Variants in PCNX1 observed in about 807,000 individuals in gnomAD.
PCNX1 encodes pecanex-like protein 1.
In PCNX1, 78 loss-of-function variants were observed where a neutral mutation model predicts 242.2. The observed-to-expected ratio is 0.32, with a 90% CI of 0.27 to 0.39. The LOEUF is 0.39. PCNX1 is among the 10% of genes least tolerant of loss of function. PCNX1 has a pLI of 1.00. For missense variants in PCNX1, 2,581 were observed against 2,856.5 expected, an observed-to-expected ratio of 0.90 and a Z score of 2.20; for synonymous variants, 1,024 against 1,032.9, an observed-to-expected ratio of 0.99 and a Z score of 0.17.
rs537140685 is a variant in PCNX1, at chr14:71,087,158, A to G, written c.5338-1172A>G. Among the ~76,000 whole-genome samples, 25 of 151,824 alleles carry G rather than the reference A, an allele frequency of 1.6e-4. 1 individual carries two copies. In the Middle Eastern group the frequency reaches 0.01, roughly 62 times the overall value. ...TTTATACAACTTCAAGTCTACACCC[A>G]CTCTCTTTTATTTTTCTTTTGTATT... is the stretch of plus-strand genomic sequence containing the variant. On this transcript the variant is annotated intron_variant, in intron 28 of 35. Transcript: ENST00000304743.
intron 2 of PCNX1, among the ~76,000 whole-genome samples, chr14:70,949,282 T>TAC (rs139022717): frequency 0.011 from 544 of 48,194 alleles, 2 homozygotes; most frequent in African/African-American, 0.018. Flanking sequence ...CACACGTGTA[T>TAC]ACACACACGT....
intron 16 of PCNX1, chr14:71,031,920 G>C (rs2140929639): frequency 7.0e-7 from 1 of 1,435,768 alleles, no homozygotes; most frequent in Non-Finnish European, 9.8e-7. Context: ...GAGCAAACTG[G>C]TACCACAGGC....
intron 2 of PCNX1, among the ~76,000 whole-genome samples, chr14:70,958,797 G>C (rs911008370): frequency 4.6e-5 from 7 of 151,216 alleles, no homozygotes; most frequent in African/African-American, 1.7e-4. Flanking sequence ...GCTGATGACT[G>C]GACAGTAGAG....
At chr14:71,014,891 A>G (rs943491164) in intron 11 of PCNX1, among the ~76,000 whole-genome samples, 1 of 152,208 alleles carries the variant, frequency 6.6e-6, no homozygotes, top group Non-Finnish European at 1.5e-5. Flanking sequence ...CCTCAAGCAT[A>G]AAATGCTTGA....
intron 1 of PCNX1, among the ~76,000 whole-genome samples, chr14:70,918,764 C>A (rs150381145): frequency 5.9e-5 from 9 of 152,290 alleles, no homozygotes; most frequent in Middle Eastern, 3.4e-3. Context: ...TAATTTAAAT[C>A]TCTGTCAACA....
chr14:70,927,621 ACT>A (rs2042364944), intron 1 of PCNX1, among the ~76,000 whole-genome samples: 1 of 150,726 alleles, frequency 6.6e-6, no homozygotes, highest in African/African-American at 2.4e-5. Flanking sequence ...GCAGTGTCTC[ACT>A]CTCTTGCCCA....
chr14:71,016,964 GGCTA>G (rs2059976226), intron 11 of PCNX1, among the ~76,000 whole-genome samples: 1 of 151,984 alleles, frequency 6.6e-6, no homozygotes, highest in Non-Finnish European at 1.5e-5. Context: ...AATAGCTAAA[GGCTA>G]AACCTTTAGC....
chr14:71,002,174 T>G (rs975781819), intron 8 of PCNX1, among the ~76,000 whole-genome samples: 1 of 152,184 alleles, frequency 6.6e-6, no homozygotes, highest in Admixed American at 6.5e-5. Context: ...TAATGAACTT[T>G]CTTCTTATAT....
chr14:71,100,654 A>G (rs553649661), intron 30 of PCNX1, among the ~76,000 whole-genome samples: 42 of 152,272 alleles, frequency 2.8e-4, no homozygotes, highest in Admixed American at 5.9e-4. Flanking sequence ...GATTAGGGAA[A>G]TGCTCTTGAG....
At chr14:71,046,124 C>T (rs971041659) in intron 20 of PCNX1, among the ~76,000 whole-genome samples, 1 of 151,900 alleles carries the variant, frequency 6.6e-6, no homozygotes, top group African/African-American at 2.4e-5. Flanking sequence ...ACTCTGAAGC[C>T]TTTGAAAGCT....
chr14:70,953,652 GT>G (rs1398445093), intron 2 of PCNX1, among the ~76,000 whole-genome samples: 205 of 112,584 alleles, frequency 1.8e-3, no homozygotes, highest in Non-Finnish European at 3.1e-3. Context: ...TGTTTTTTGT[GT>G]TTTTTTCTTT....
At chr14:71,099,250 C>T (rs1280913594) in intron 30 of PCNX1, among the ~76,000 whole-genome samples, 1 of 151,650 alleles carries the variant, frequency 6.6e-6, no homozygotes, top group Middle Eastern at 3.2e-3. Flanking sequence ...GCTTGGCCTC[C>T]TGGTTTCCTG....
At chr14:71,064,793 G>A (rs943942736) in intron 26 of PCNX1, among the ~76,000 whole-genome samples, 1 of 152,100 alleles carries the variant, frequency 6.6e-6, no homozygotes, top group Non-Finnish European at 1.5e-5. Context: ...ACAGGCCTGG[G>A]TATGTGATGT....
chr14:71,048,469 G>C (rs1288900330), intron 22 of PCNX1, among the ~76,000 whole-genome samples: 1 of 152,096 alleles, frequency 6.6e-6, no homozygotes, highest in Non-Finnish European at 1.5e-5. Context: ...AGATGTTCTA[G>C]GCCTTTTACA....
chr14:71,013,243 AT>A (rs1360327150), intron 11 of PCNX1, 41 bp downstream of exon 11: 1 of 1,408,788 alleles, frequency 7.1e-7, no homozygotes, highest in South Asian at 1.1e-5. Context: ...TGTGGATTTT[AT>A]TTTTAAGATG....
chr14:71,014,747 G>A (rs192987322), intron 11 of PCNX1, among the ~76,000 whole-genome samples: 1 of 152,250 alleles, frequency 6.6e-6, no homozygotes, highest in East Asian at 1.9e-4. Context: ...AAAGCTGTGG[G>A]ACAACTACAA....
intron 8 of PCNX1, among the ~76,000 whole-genome samples, chr14:71,002,323 C>G (rs550335784): frequency 3.9e-5 from 6 of 152,310 alleles, no homozygotes; most frequent in African/African-American, 1.4e-4. Context: ...GCTCATCAGA[C>G]TCTTACCTGG....
chr14:71,063,855 A>T (rs977598209), intron 26 of PCNX1, among the ~76,000 whole-genome samples: 3 of 152,064 alleles, frequency 2.0e-5, no homozygotes, highest in African/African-American at 7.2e-5. Flanking sequence ...TATTTTACAG[A>T]TACTCTAGAT....
intron 26 of PCNX1, among the ~76,000 whole-genome samples, chr14:71,068,586 ACGTG>A (rs1024119734): frequency 1.0e-5 from 1 of 97,534 alleles, no homozygotes; most frequent in Non-Finnish European, 2.0e-5. Flanking sequence ...GTTTGTATGT[ACGTG>A]CGTGTGTGTG....
Sources: gnomAD v4.1 joint callset for allele counts (sites outside exome capture counted in the v4.1 genomes callset) on GRCh38, gnomAD v4.1.1 for gene constraint, MANE v1.5 for transcripts, NCBI Gene and HGNC (gene_info 2026-07-23, HGNC 2026-07-21) for gene names.